ROBO2: variants seen among roughly 807,000 people sequenced by gnomAD.
ROBO2 encodes roundabout guidance receptor 2, also known as roundabout homolog 2.
Under a neutral mutation model 160.8 loss-of-function variants are expected in ROBO2, and 53 were observed. That is an observed-to-expected ratio of 0.33 (90% CI 0.26 to 0.41). The LOEUF (loss-of-function observed/expected upper bound fraction) is 0.41, where lower values mean the gene tolerates loss of function less well. ROBO2 is among the 10% of genes least tolerant of loss of function. The pLI is 1.00. For missense variants in ROBO2, 1,577 were observed against 1,722.4 expected (o/e 0.92, Z 1.49); for synonymous variants, 664 against 611.7 (o/e 1.09, Z -1.26).
chr3:77,359,181 G>A (rs1175733673), intron 2 of ROBO2, among the ~76,000 whole-genome samples: 2 of 152,130 alleles, frequency 1.3e-5, no homozygotes, highest in East Asian at 1.9e-4. Context: ...GATTTTATTC[G>A]TTTCTCAGGG....
At chr3:77,028,028 T>C (rs143117759) in intron 2 of ROBO2, among the ~76,000 whole-genome samples, 253 of 152,216 alleles carry the variant, frequency 1.7e-3, no homozygotes, top group Non-Finnish European at 3.1e-3. Context: ...TCCTCTCTAC[T>C]TCCTCACTCT....
intron 2 of ROBO2, among the ~76,000 whole-genome samples, chr3:76,395,490 A>G (rs932815944): frequency 7.4e-6 from 1 of 135,644 alleles, no homozygotes; most frequent in Non-Finnish European, 1.6e-5. Flanking sequence ...ACTGAAGGAA[A>G]TAGAGACAAA....
intron 6 of ROBO2, among the ~76,000 whole-genome samples, chr3:77,529,875 G>C (rs2091507803): frequency 6.6e-6 from 1 of 151,872 alleles, no homozygotes; most frequent in Admixed American, 6.6e-5. Flanking sequence ...CTGAATGTTG[G>C]ATATGTTTTA....
chr3:76,321,021 T>C (rs999651022), intron 2 of ROBO2, among the ~76,000 whole-genome samples: 1 of 152,196 alleles, frequency 6.6e-6, no homozygotes, highest in African/African-American at 2.4e-5. Context: ...ATTCATTCAA[T>C]AAATATTTAC....
intron 2 of ROBO2, among the ~76,000 whole-genome samples, chr3:76,419,610 T>C (rs1279918758): frequency 6.6e-6 from 1 of 152,126 alleles, no homozygotes; most frequent in African/African-American, 2.4e-5. Context: ...GATTACCCTG[T>C]GTTGCAGTGA....
At chr3:77,525,733 T>C (rs2091079047) in intron 6 of ROBO2, among the ~76,000 whole-genome samples, 1 of 150,878 alleles carries the variant, frequency 6.6e-6, no homozygotes, top group Admixed American at 6.6e-5. Context: ...TATAATAAAA[T>C]AAAATAGAAA....
Position 77,462,101 on chromosome 3 carries a change from T to C in ROBO2, c.389-15313T>C, listed in dbSNP as rs537336302. On this transcript the variant is annotated intron_variant, in intron 2 of 25. Transcript: ENST00000461745. Reference sequence around the variant, plus strand: ...AGAGAAAAATAACTTTTTATAAAATTGATAATTTTGGGTAATAATTGATAT... The same window carrying C: ...AGAGAAAAATAACTTTTTATAAAATCGATAATTTTGGGTAATAATTGATAT... Among the ~76,000 whole-genome samples, 8 of 152,330 alleles carry C rather than the reference T, an allele frequency of 5.3e-5. No homozygotes were observed. The East Asian group carries it at 1.4e-3, about 26-fold the overall frequency.
At chr3:76,777,570 A>C (rs1034162132) in intron 2 of ROBO2, among the ~76,000 whole-genome samples, 3 of 150,820 alleles carry the variant, frequency 2.0e-5, no homozygotes, top group Admixed American at 6.6e-5. Flanking sequence ...TTTTTTTAAC[A>C]AAACGTTTTT....
At position 76,599,667 on chromosome 3, in the gene ROBO2, C is replaced by G. The variant is rs569304723; in HGVS notation, c.110-498347C>G. Among the ~76,000 whole-genome samples, 134 of 152,304 alleles carry G rather than the reference C, an allele frequency of 8.8e-4. 1 individual carries two copies. Among genetic ancestry groups the G allele is most frequent in the Middle Eastern group, 6.8e-3 (2 of 294 alleles). On this transcript the variant is annotated intron_variant, in intron 2 of 26. Transcript: ENST00000487694. ...TTGAACTAATTTACACTCCCACCAA[C>G]AGTGTATAAGCATTCCTTTCGCTTC...
At chr3:77,006,627 G>A (rs2061595565) in intron 2 of ROBO2, among the ~76,000 whole-genome samples, 1 of 152,004 alleles carries the variant, frequency 6.6e-6, no homozygotes. Flanking sequence ...CTTTGTAAAT[G>A]ATAAAGCACG....
chr3:75,978,161 A>T (rs1370092124), intron 2 of ROBO2, among the ~76,000 whole-genome samples: 1 of 151,474 alleles, frequency 6.6e-6, no homozygotes, highest in Non-Finnish European at 1.5e-5. Flanking sequence ...TTATAGTAAC[A>T]CTTGAATTGG....
intron 2 of ROBO2, among the ~76,000 whole-genome samples, chr3:77,247,117 G>C (rs1024190793): frequency 2.6e-5 from 4 of 152,178 alleles, no homozygotes; most frequent in African/African-American, 9.6e-5. Flanking sequence ...ACCAAGAGCT[G>C]AATCATTCTG....
At chr3:77,200,019 A>G (rs929884734) in intron 2 of ROBO2, among the ~76,000 whole-genome samples, 2 of 151,520 alleles carry the variant, frequency 1.3e-5, no homozygotes, top group Non-Finnish European at 2.9e-5. Flanking sequence ...TGCAACAAGT[A>G]AGTGAATAAA....
intron 2 of ROBO2, among the ~76,000 whole-genome samples, chr3:77,399,260 G>A (rs1392199624): frequency 1.3e-5 from 2 of 152,158 alleles, no homozygotes; most frequent in Non-Finnish European, 1.5e-5. Context: ...GTTTATTTTT[G>A]TCACATTAAT....
At chr3:77,225,629 A>G (rs1262274778) in intron 2 of ROBO2, among the ~76,000 whole-genome samples, 1 of 152,148 alleles carries the variant, frequency 6.6e-6, no homozygotes, top group Non-Finnish European at 1.5e-5. Context: ...CCTGATTTAA[A>G]ATAAAATGAT....
At chr3:76,137,288 A>C (rs2071464611) in intron 2 of ROBO2, among the ~76,000 whole-genome samples, 1 of 151,962 alleles carries the variant, frequency 6.6e-6, no homozygotes, top group South Asian at 2.1e-4. Flanking sequence ...TATTTTTAGC[A>C]TTCTGGTTTT....
At chr3:77,498,577 A>C (rs1389756703) in intron 5 of ROBO2, among the ~76,000 whole-genome samples, 1 of 152,176 alleles carries the variant, frequency 6.6e-6, no homozygotes, top group East Asian at 1.9e-4. Context: ...TGATTCTTTA[A>C]GAAAAGAAAC....
At chr3:77,359,692 T>C (rs1055663294) in intron 2 of ROBO2, among the ~76,000 whole-genome samples, 1 of 152,130 alleles carries the variant, frequency 6.6e-6, no homozygotes, top group African/African-American at 2.4e-5. Context: ...TTGGTTTGTT[T>C]GTTTGAAATG....
At chr3:77,606,898 G>C (rs1424018991) in intron 20 of ROBO2, among the ~76,000 whole-genome samples, 1 of 152,144 alleles carries the variant, frequency 6.6e-6, no homozygotes, top group Non-Finnish European at 1.5e-5. Context: ...AATGTCCTTT[G>C]TTATTCTGCT....
Sources: gnomAD v4.1 joint callset for allele counts (sites outside exome capture counted in the v4.1 genomes callset) on GRCh38, gnomAD v4.1.1 for gene constraint, MANE v1.5 for transcripts, NCBI Gene and HGNC (gene_info 2026-07-23, HGNC 2026-07-21) for gene names.